Variants in CDH6 observed in about 807,000 individuals in gnomAD.
CDH6 encodes the protein cadherin 6.
Under a neutral mutation model 78.0 loss-of-function variants are expected in CDH6, and 31 were observed. The ratio of observed to expected loss-of-function variants is 0.40; its 90% CI spans 0.30 to 0.54. The LOEUF is 0.54. Among genes scored for constraint, CDH6 ranks in the 20% least tolerant of loss-of-function variants. CDH6 has a pLI of 0.56. For missense variants in CDH6, 724 were observed against 975.9 expected (o/e 0.74, Z 3.44); for synonymous variants, 376 against 368.8 (o/e 1.02, Z -0.23).
At chr5:31,222,678 A>C (rs768794562) in intron 1 of CDH6, among the ~76,000 whole-genome samples, 14 of 152,172 alleles carry the variant, frequency 9.2e-5, no homozygotes, top group Non-Finnish European at 1.8e-4. Context: ...TTCATTACAC[A>C]GATGAGAAAT....
At chr5:31,261,084 C>T (rs561292609) in intron 1 of CDH6, among the ~76,000 whole-genome samples, 1 of 152,062 alleles carries the variant, frequency 6.6e-6, no homozygotes, top group African/African-American at 2.4e-5. Context: ...GAATAAATAC[C>T]ATATTTTTTT....
chr5:31,298,032 A>C (rs578135217), intron 4 of CDH6, among the ~76,000 whole-genome samples: 52 of 152,280 alleles, frequency 3.4e-4, no homozygotes, highest in Admixed American at 1.7e-3. Flanking sequence ...AAGATTTTGC[A>C]TTGTTTGTTA....
chr5:31,305,167 C>A lies in CDH6; in HGVS notation c.1000-7C>A, dbSNP rs1737949305. ...ATGTCACTTCTTCCCCCACCCCCAACCTCAAGCTCTTGGACTTTGAAAAGA... is the reference window on the plus strand; with the variant it reads ...ATGTCACTTCTTCCCCCACCCCCAAACTCAAGCTCTTGGACTTTGAAAAGA... On this transcript the variant is annotated splice_region_variant and splice_polypyrimidine_tract_variant and intron_variant, in intron 6 of 11. Transcript: ENST00000265071. The A allele has an allele frequency of 3.1e-6, 5 of 1,606,310 alleles. No individual in the cohort carries two copies. In the South Asian group the frequency reaches 4.5e-5, roughly 14 times the overall value.
chr5:31,317,476 C>T lies in CDH6; in HGVS notation c.1614C>T (p.Thr538=), dbSNP rs781404790. The T allele has an allele frequency of 4.4e-6, 7 of 1,608,446 alleles. No individual in the cohort carries two copies. Among genetic ancestry groups the T allele is most frequent in the Non-Finnish European group, 3.4e-6 (4 of 1,176,406 alleles). The change falls in exon 10 of 12, where the codon ACC becomes ACT. Residue 538 remains threonine, a synonymous_variant. Transcript: ENST00000265071. ...AAGCAGCCAGTGGCTCAAACTTTAC[C>T]ATTCAAGACAACAAAGGTAAATGAG... ...APEAASGSNF[T]IQDNKDNTAG... is the part of the protein sequence containing the mutation.
chr5:31,297,567 T>G (rs1411138485), intron 4 of CDH6, among the ~76,000 whole-genome samples, 159 bp downstream of exon 4: 1 of 152,202 alleles, frequency 6.6e-6, no homozygotes, highest in Non-Finnish European at 1.5e-5. Context: ...ATCTGAATAA[T>G]TTTAATCAAA....
At chr5:31,264,834 A>C (rs1742297573) in intron 1 of CDH6, among the ~76,000 whole-genome samples, 1 of 152,218 alleles carries the variant, frequency 6.6e-6, no homozygotes, top group African/African-American at 2.4e-5. Context: ...TCTCATTACC[A>C]ACTAAGAAAA....
rs141136962 is a variant in CDH6, at chr5:31,264,905, C to T, written c.-128-2441C>T. Among the ~76,000 whole-genome samples the T allele has an allele frequency of 1.4e-3, 212 of 152,270 alleles. 1 individual carries two copies. Among genetic ancestry groups the T allele is most frequent in the African/African-American group, 5.0e-3 (209 of 41,550 alleles). On this transcript the variant is annotated intron_variant, in intron 1 of 11. Coordinates refer to ENST00000265071, the MANE Select transcript of CDH6 (RefSeq NM_004932.4). ...TTAAAAAGAACTAATATTTAATATT[C>T]AAGTGGCAACAGCTTGTAGAGTTTG...
intron 1 of CDH6, among the ~76,000 whole-genome samples, chr5:31,253,142 T>G (rs1211792887): frequency 6.6e-6 from 1 of 152,222 alleles, no homozygotes; most frequent in Admixed American, 6.5e-5. Context: ...TGTCCTCACA[T>G]GCCAGAAGGG....
In CDH6 at chr5:31,317,366, T is replaced by C; in HGVS notation, c.1513-9T>C. 7.1e-7 allele frequency: 1 copy of C among 1,412,558 alleles called. No individual in the cohort carries two copies. The allele number at this position is 1,412,558 out of a possible 1,614,324, so 87.5% of individuals were successfully genotyped here. A position where few individuals can be genotyped will look rare whatever the true frequency, so the allele number is the denominator to read the frequency against. ...AAATTTTATGGCAGCGTTTTGGTTTTTCTCTTAGTTGATTCAGACCCTGCA... is the reference window on the plus strand; with the variant it reads ...AAATTTTATGGCAGCGTTTTGGTTTCTCTCTTAGTTGATTCAGACCCTGCA... On this transcript the variant is annotated splice_polypyrimidine_tract_variant and intron_variant, in intron 9 of 11. Transcript: ENST00000265071.
intron 7 of CDH6, among the ~76,000 whole-genome samples, chr5:31,310,749 C>A (rs1341564118): frequency 2.0e-5 from 3 of 152,246 alleles, no homozygotes; most frequent in Admixed American, 6.5e-5. Context: ...TTGGGTCTTG[C>A]ACCCTCTGAA....
At chr5:31,230,343 A>G (rs1741281486) in intron 1 of CDH6, among the ~76,000 whole-genome samples, 1 of 152,220 alleles carries the variant, frequency 6.6e-6, no homozygotes, top group Non-Finnish European at 1.5e-5. Flanking sequence ...TGTCTGTATA[A>G]CCATCACAGG....
At chr5:31,210,076 T>TTCTGTGTGTGTGTGTGTGTG (rs1554002608) in intron 1 of CDH6, among the ~76,000 whole-genome samples, 2 of 146,470 alleles carry the variant, frequency 1.4e-5, no homozygotes, top group African/African-American at 5.1e-5. Flanking sequence ...TTTTCTTAAA[T>TTCTGTGTGTGTGTGTGTGTG]TGTGTGTGTG....
chr5:31,324,344 A>T lies in CDH6; in HGVS notation c.*1036A>T, dbSNP rs1230462641. ...TAAAGTTAGATTAAATAAAACTTAA[A>T]TCTCACTCTAGGAGTTCAGTGGAGA... On this transcript the variant is annotated 3_prime_UTR_variant, in exon 12 of 12. Coordinates refer to ENST00000265071, the MANE Select transcript of CDH6 (RefSeq NM_004932.4). 4.7e-6 allele frequency: 1 copy of T among 213,568 alleles called. No homozygotes were observed. Among genetic ancestry groups the T allele is most frequent in the Admixed American group, 5.9e-5 (1 of 17,086 alleles). The allele number at this position is 213,568 out of a possible 1,614,324, so 13.2% of individuals were successfully genotyped here.
intron 7 of CDH6, among the ~76,000 whole-genome samples, chr5:31,308,795 C>A (rs1738067393): frequency 6.6e-6 from 1 of 152,090 alleles, no homozygotes; most frequent in Middle Eastern, 3.4e-3. Context: ...AATATAATTA[C>A]TTGTAAAATT....
At chr5:31,202,224 T>G (rs758581269) in intron 1 of CDH6, among the ~76,000 whole-genome samples, 1 of 152,204 alleles carries the variant, frequency 6.6e-6, no homozygotes, top group Non-Finnish European at 1.5e-5. Context: ...TTCTAGTGTA[T>G]AGTATAGATT....
intron 1 of CDH6, among the ~76,000 whole-genome samples, chr5:31,229,623 C>T (rs1741259548): frequency 6.6e-6 from 1 of 152,172 alleles, no homozygotes; most frequent in Non-Finnish European, 1.5e-5. Context: ...ACTCTGAAAA[C>T]ACTTGTGAGA....
At position 31,284,395 on chromosome 5, in the gene CDH6, C is replaced by A. The variant is rs1337473553; in HGVS notation, c.229-9567C>A. Among the ~76,000 whole-genome samples, 3 of 152,212 alleles carry A rather than the reference C, an allele frequency of 2.0e-5. No homozygotes were observed. The East Asian group carries it at 5.8e-4, about 29-fold the overall frequency. On this transcript the variant is annotated intron_variant, in intron 2 of 11. Coordinates refer to ENST00000265071, the MANE Select transcript of CDH6 (RefSeq NM_004932.4). ...CACATACAAAGACTTATTTCTACTG[C>A]CCTGAGACACATGAATCTGAATCCA...
chr5:31,239,805 G>A (rs1484965783), intron 1 of CDH6, among the ~76,000 whole-genome samples: 1 of 152,182 alleles, frequency 6.6e-6, no homozygotes, highest in Non-Finnish European at 1.5e-5. Flanking sequence ...GGAATCCATA[G>A]CTCTTTAGTA....
At chr5:31,301,105 AG>A (rs1737752199) in intron 5 of CDH6, among the ~76,000 whole-genome samples, 2 of 152,200 alleles carry the variant, frequency 1.3e-5, no homozygotes, top group Admixed American at 1.3e-4. Flanking sequence ...CCTGAGCAAC[AG>A]GAGGAAATCC....
Sources: allele counts gnomAD v4.1 joint callset (sites outside exome capture counted in the v4.1 genomes callset), GRCh38; gene constraint gnomAD v4.1.1; transcripts MANE v1.5; gene names NCBI Gene and HGNC (gene_info 2026-07-23, HGNC 2026-07-21).